PTPRD: variants seen among roughly 807,000 people sequenced by gnomAD.
PTPRD encodes protein tyrosine phosphatase receptor type D.
In PTPRD, 34 loss-of-function variants were observed where a neutral mutation model predicts 214.5. The observed-to-expected ratio is 0.16, with a 90% CI of 0.12 to 0.21. The LOEUF (loss-of-function observed/expected upper bound fraction) is 0.21, where lower values mean the gene tolerates loss of function less well. Ranked by LOEUF, PTPRD falls within the 10% of genes least tolerant of loss-of-function variation. The pLI is 1.00. For synonymous variants in PTPRD, 1,128 were observed against 845.7 expected (o/e 1.33, Z -5.79); for missense variants, 2,545 against 2,398.7 (o/e 1.06, Z -1.27).
chr9:8,772,437 C>G (rs1224190765), intron 11 of PTPRD, among the ~76,000 whole-genome samples: 2 of 151,816 alleles, frequency 1.3e-5, no homozygotes, highest in Non-Finnish European at 2.9e-5. Flanking sequence ...CTGCTTGAGA[C>G]CAAGAGTTCA....
At chr9:9,503,198 T>C (rs1169058567) in intron 8 of PTPRD, among the ~76,000 whole-genome samples, 1 of 151,868 alleles carries the variant, frequency 6.6e-6, no homozygotes, top group Admixed American at 6.6e-5. Context: ...TTTTGAGAGT[T>C]ATTCTTATTT....
chr9:9,886,300 G>C (rs999765679), intron 5 of PTPRD, among the ~76,000 whole-genome samples: 1 of 151,942 alleles, frequency 6.6e-6, no homozygotes, highest in Admixed American at 6.6e-5. Flanking sequence ...TCTCTCTACT[G>C]GTTATCTCAT....
chr9:9,695,429 C>G (rs963887781), intron 7 of PTPRD, among the ~76,000 whole-genome samples: 1 of 152,190 alleles, frequency 6.6e-6, no homozygotes, highest in African/African-American at 2.4e-5. Flanking sequence ...TGCAAACCCT[C>G]TCTTAGCTGT....
intron 10 of PTPRD, among the ~76,000 whole-genome samples, chr9:9,080,606 A>C (rs1353874083): frequency 6.6e-6 from 1 of 151,858 alleles, no homozygotes; most frequent in East Asian, 1.9e-4. Context: ...CTGCAGTCTG[A>C]CTCCAGAGCT....
chr9:8,385,969 T>C (rs989813), intron 37 of PTPRD, among the ~76,000 whole-genome samples: 82,148 of 151,936 alleles, frequency 0.54, 22,697 homozygotes, highest in East Asian at 0.67. Flanking sequence ...ATAAACTCTT[T>C]TCATTTGGGA....
chr9:8,633,887 CCA>C (rs1219177896), intron 13 of PTPRD, among the ~76,000 whole-genome samples: 1 of 151,972 alleles, frequency 6.6e-6, no homozygotes, highest in Non-Finnish European at 1.5e-5. Context: ...ATGCATGCCA[CCA>C]CAGATAGCTC....
At chr9:9,780,750 T>A (rs143200988) in intron 5 of PTPRD, among the ~76,000 whole-genome samples, 1 of 152,354 alleles carries the variant, frequency 6.6e-6, no homozygotes, top group African/African-American at 2.4e-5. Flanking sequence ...AGAGCAGCCT[T>A]ATTCATAATT....
intron 28 of PTPRD, 85 bp downstream of exon 28, chr9:8,485,677 G>A (rs2096986095): frequency 1.7e-6 from 2 of 1,182,176 alleles, no homozygotes; most frequent in African/African-American, 3.1e-5. Context: ...TGAATGGGCT[G>A]ATCAGTTATT....
intron 6 of PTPRD, among the ~76,000 whole-genome samples, chr9:9,749,867 C>G (rs1419319401): frequency 6.6e-6 from 1 of 152,088 alleles, no homozygotes. Flanking sequence ...AAATAAGTTT[C>G]ATAAGTTGAA....
chr9:9,641,665 C>T (rs2095958773), intron 7 of PTPRD, among the ~76,000 whole-genome samples: 1 of 152,098 alleles, frequency 6.6e-6, no homozygotes, highest in South Asian at 2.1e-4. Flanking sequence ...CTTTTCTGGA[C>T]CTTAAAGCAT....
intron 8 of PTPRD, among the ~76,000 whole-genome samples, chr9:9,453,432 T>C (rs1033959995): frequency 3.3e-5 from 5 of 151,690 alleles, no homozygotes; most frequent in Non-Finnish European, 7.4e-5. Flanking sequence ...CACATCATTA[T>C]CACCATTTTA....
intron 30 of PTPRD, among the ~76,000 whole-genome samples, chr9:8,472,211 T>G (rs896966571): frequency 1.3e-5 from 2 of 152,156 alleles, no homozygotes; most frequent in African/African-American, 2.4e-5. Flanking sequence ...ACTCTATGTG[T>G]CATAAAGTAT....
chr9:9,653,470 T>G (rs1044828708), intron 7 of PTPRD, among the ~76,000 whole-genome samples: 2 of 151,588 alleles, frequency 1.3e-5, no homozygotes, highest in Non-Finnish European at 1.5e-5. Flanking sequence ...ATGAATATAT[T>G]TTTTTCAAAA....
rs182195892 is a variant in PTPRD at position 10,536,838 on chromosome 9, C to T, written c.-600+75560G>A. ...GTTTGAATGTAACCATTGGATCATG[C>T]CCTATTTCATGGTACCAATTTTCTT... is the stretch of plus-strand genomic sequence containing the variant. On this transcript the variant is annotated intron_variant, in intron 2 of 45. Coordinates refer to ENST00000381196, the MANE Select transcript of PTPRD (RefSeq NM_002839.4). Among the ~76,000 whole-genome samples the T allele has an allele frequency of 2.2e-4, 33 of 152,216 alleles. No individual in the cohort carries two copies. In the East Asian group the frequency reaches 5.4e-3, roughly 25 times the overall value.
At chr9:10,462,292 C>G (rs1163424589) in intron 2 of PTPRD, among the ~76,000 whole-genome samples, 3 of 152,080 alleles carry the variant, frequency 2.0e-5, no homozygotes, top group Non-Finnish European at 2.9e-5. Flanking sequence ...GAATATTGGT[C>G]ATTTCCTTTT....
chr9:10,493,595 AAT>A (rs2132826919), intron 2 of PTPRD, among the ~76,000 whole-genome samples: 1 of 152,224 alleles, frequency 6.6e-6, no homozygotes, highest in South Asian at 2.1e-4. Context: ...TACAAAAATT[AAT>A]ACAGGGTTTC....
intron 14 of PTPRD, among the ~76,000 whole-genome samples, chr9:8,594,429 T>A (rs1369910690): frequency 6.6e-6 from 1 of 152,156 alleles, no homozygotes; most frequent in African/African-American, 2.4e-5. Context: ...AGAACTCAAA[T>A]ATATAATATA....
intron 3 of PTPRD, among the ~76,000 whole-genome samples, chr9:10,086,266 A>G (rs1277021051): frequency 6.6e-6 from 1 of 151,802 alleles, no homozygotes; most frequent in East Asian, 1.9e-4. Flanking sequence ...TCCATAAAAA[A>G]TAGTATACGA....
intron 29 of PTPRD, among the ~76,000 whole-genome samples, 198 bp from the exon 30 acceptor site, chr9:8,484,576 T>A (rs759148586): frequency 2.4e-5 from 3 of 125,230 alleles, no homozygotes; most frequent in African/African-American, 6.8e-5. Context: ...AATGATAAAA[T>A]GTTTCCAAGT....
Sources: allele counts gnomAD v4.1 joint callset (sites outside exome capture counted in the v4.1 genomes callset), GRCh38; gene constraint gnomAD v4.1.1; transcripts MANE v1.5; gene names NCBI Gene and HGNC (gene_info 2026-07-23, HGNC 2026-07-21).